The following PHACTR3 variants were observed in gnomAD, a reference collection of about 807,000 sequenced individuals.
PHACTR3 encodes phosphatase and actin regulator 3.
In PHACTR3, 16 loss-of-function variants were observed where a neutral mutation model predicts 66.8. The observed-to-expected ratio is 0.24, with a 90% CI of 0.16 to 0.36. PHACTR3 has a LOEUF of 0.36. Among genes scored for constraint, PHACTR3 ranks in the 10% least tolerant of loss-of-function variants. The pLI is 1.00. For missense variants in PHACTR3, 647 were observed against 719.9 expected (o/e 0.90, Z 1.16); for synonymous variants, 323 against 292.1 (o/e 1.11, Z -1.08).
intron 1 of PHACTR3, among the ~76,000 whole-genome samples, chr20:59,620,134 A>G (rs2034180080): frequency 6.6e-6 from 1 of 152,178 alleles, no homozygotes; most frequent in African/African-American, 2.4e-5. Context: ...CTGGCCCCAT[A>G]GCCACTCCTT....
In PHACTR3 at chr20:59,678,208, T is replaced by C. The variant is rs548260976; in HGVS notation, c.119-64899T>C. Reference sequence around the variant, plus strand: ...CTTTGGTTGCCAAGCTGTTGAGCCCTGAGTCTATATTATACACCTTCAGCC... The same window carrying C: ...CTTTGGTTGCCAAGCTGTTGAGCCCCGAGTCTATATTATACACCTTCAGCC... On this transcript the variant is annotated intron_variant, in intron 1 of 12. Transcript: ENST00000371015. Among the ~76,000 whole-genome samples the C allele has an allele frequency of 3.3e-5, 5 of 152,336 alleles. No homozygotes were observed. The East Asian group carries it at 7.7e-4, about 23-fold the overall frequency.
chr20:59,750,222 G>T (rs545618390), intron 3 of PHACTR3, among the ~76,000 whole-genome samples: 12 of 152,012 alleles, frequency 7.9e-5, no homozygotes, highest in Non-Finnish European at 1.8e-4. Flanking sequence ...CCTGGTTCTC[G>T]GGGGGCCGGG....
At chr20:59,791,189 A>G (rs771359433) in intron 7 of PHACTR3, among the ~76,000 whole-genome samples, 9 of 152,086 alleles carry the variant, frequency 5.9e-5, no homozygotes, top group Non-Finnish European at 1.3e-4. Flanking sequence ...GCCATCATGG[A>G]TGGGATTAAT....
chr20:59,725,727 G>A (rs1373633974), intron 1 of PHACTR3, among the ~76,000 whole-genome samples: 4 of 152,172 alleles, frequency 2.6e-5, no homozygotes, highest in Non-Finnish European at 5.9e-5. Flanking sequence ...TGACCCTGAG[G>A]GTACTCTGAG....
intron 1 of PHACTR3, among the ~76,000 whole-genome samples, chr20:59,622,981 C>CAAAAAAAAAACAAAAAAAAAAAAA (rs2034300857): frequency 3.1e-5 from 1 of 32,216 alleles, no homozygotes; most frequent in Non-Finnish European, 5.5e-5. Flanking sequence ...CAGCTTTAAC[C>CAAAAAAAAAACAAAAAAAAAAAAA]AAAAAAAAAA....
intron 1 of PHACTR3, among the ~76,000 whole-genome samples, chr20:59,739,615 A>G (rs2039080468): frequency 6.6e-6 from 1 of 152,132 alleles, no homozygotes; most frequent in African/African-American, 2.4e-5. Context: ...TATCATGCGG[A>G]CAGCATGGGG....
At chr20:59,802,597 C>T (rs574299847) in intron 7 of PHACTR3, among the ~76,000 whole-genome samples, 30 of 152,252 alleles carry the variant, frequency 2.0e-4, no homozygotes, top group African/African-American at 3.6e-4. Context: ...GAGCCCCACA[C>T]GTTTGTGTCT....
chr20:59,629,508 G>A (rs2034587179), intron 1 of PHACTR3, among the ~76,000 whole-genome samples: 1 of 152,182 alleles, frequency 6.6e-6, no homozygotes, highest in Admixed American at 6.5e-5. Flanking sequence ...CAGCAGGGCG[G>A]GTTCCTTCTG....
chr20:59,767,039 C>G (rs1422449402), intron 4 of PHACTR3, 147 bp from the exon 5 acceptor site: 2 of 695,274 alleles, frequency 2.9e-6, no homozygotes, highest in South Asian at 3.7e-5. Context: ...GAGAGTTGAA[C>G]TTGCAGGAAG....
rs1357018312 is a variant in PHACTR3, at chr20:59,635,101, C to CTCTTTCTTTCTT, written c.118+30007_118+30018dup. Among the ~76,000 whole-genome samples the CTCTTTCTTTCTT allele has an allele frequency of 1.0e-2, 925 of 92,826 alleles. 30 individuals carry two copies. The highest frequency in any genetic ancestry group is 0.043 in the East Asian group (97 of 2,282). The allele number at this position is 92,826 out of a possible 152,430, so 60.9% of individuals were successfully genotyped here. A position where few individuals can be genotyped will look rare whatever the true frequency, so the allele number is the denominator to read the frequency against. ...TTCTTTTTTCTTTCTTTCTTTCTCT[C>CTCTTTCTTTCTT]TCTTTCTTTCTTTCTTTCTTTCTTT... On this transcript the variant is annotated intron_variant, in intron 1 of 12. Coordinates refer to ENST00000371015, the MANE Select transcript of PHACTR3 (RefSeq NM_080672.5).
At chr20:59,690,027 G>T (rs2037053038) in intron 1 of PHACTR3, among the ~76,000 whole-genome samples, 1 of 152,180 alleles carries the variant, frequency 6.6e-6, no homozygotes, top group South Asian at 2.1e-4. Flanking sequence ...CATTATGACA[G>T]TCTATATCCC....
chr20:59,847,017 T>C, intron 12 of PHACTR3, 98 bp from the exon 13 acceptor site: 1 of 847,922 alleles, frequency 1.2e-6, no homozygotes, highest in East Asian at 2.5e-5. Flanking sequence ...TCTGAGAATC[T>C]TTTTAATAGC....
chr20:59,802,906 C>T (rs898679198), intron 7 of PHACTR3, among the ~76,000 whole-genome samples: 23 of 152,218 alleles, frequency 1.5e-4, no homozygotes, highest in Admixed American at 3.9e-4. Context: ...CTGAGCAGGA[C>T]TGGTCTGAAG....
At chr20:59,776,327 C>T (rs1336751128) in intron 7 of PHACTR3, among the ~76,000 whole-genome samples, 20 of 152,174 alleles carry the variant, frequency 1.3e-4, no homozygotes, top group Non-Finnish European at 2.9e-5. Context: ...TGTAACTGGC[C>T]ATGGTCATGC....
At chr20:59,642,760 G>A (rs149132570) in intron 1 of PHACTR3, among the ~76,000 whole-genome samples, 1 of 152,232 alleles carries the variant, frequency 6.6e-6, no homozygotes, top group East Asian at 1.9e-4. Context: ...CTAGAAGCTG[G>A]AACCCGGGGC....
At chr20:59,779,947 A>C (rs2040667859) in intron 7 of PHACTR3, among the ~76,000 whole-genome samples, 2 of 152,238 alleles carry the variant, frequency 1.3e-5, no homozygotes, top group Non-Finnish European at 1.5e-5. Context: ...TTTAAGTTTT[A>C]AAACCTGTCA....
intron 7 of PHACTR3, among the ~76,000 whole-genome samples, chr20:59,787,568 G>A (rs1279925169): frequency 6.6e-6 from 1 of 152,206 alleles, no homozygotes; most frequent in Admixed American, 6.5e-5. Context: ...CTTTGTGGCT[G>A]TTGTTCTGCC....
At position 59,840,366 on chromosome 20, in the gene PHACTR3, C is replaced by T. The variant is rs2145510332; in HGVS notation, c.1385-3C>T. On this transcript the variant is annotated splice_region_variant and splice_polypyrimidine_tract_variant and intron_variant, in intron 9 of 12. Coordinates refer to ENST00000371015, the MANE Select transcript of PHACTR3 (RefSeq NM_080672.5). ...TTTTTTTTCCTATTTTAATCTTTCA[C>T]AGAAAGGAATGATCAGACAGAGCAG... 6.2e-7 allele frequency: 1 copy of T among 1,604,234 alleles called. No homozygotes were observed. Among genetic ancestry groups the T allele is most frequent in the African/African-American group, 1.3e-5 (1 of 74,272 alleles).
chr20:59,707,775 A>G (rs1319150272), intron 1 of PHACTR3, among the ~76,000 whole-genome samples: 2 of 151,160 alleles, frequency 1.3e-5, no homozygotes, highest in Non-Finnish European at 3.0e-5. Flanking sequence ...TCTTGCTCCG[A>G]CTCTTGCCAT....
Sources: gnomAD v4.1 joint callset for allele counts (sites outside exome capture counted in the v4.1 genomes callset) on GRCh38, gnomAD v4.1.1 for gene constraint, MANE v1.5 for transcripts, NCBI Gene and HGNC (gene_info 2026-07-23, HGNC 2026-07-21) for gene names.